The following ANKRD26 variants were observed in gnomAD, a reference collection of about 807,000 sequenced individuals.
The protein encoded by ANKRD26 is ankyrin repeat domain-containing protein 26.
A neutral mutation model predicts 208.7 loss-of-function variants in ANKRD26; 141 were observed. The ratio of observed to expected loss-of-function variants is 0.68; its 90% CI spans 0.59 to 0.78. The LOEUF (loss-of-function observed/expected upper bound fraction) is 0.78. Among genes scored for constraint, ANKRD26 ranks in the 30% least tolerant of loss-of-function variants. The probability of loss-of-function intolerance (pLI) is 0.00; values close to 1 mark genes in which losing one functional copy is unlikely to be tolerated. For synonymous variants in ANKRD26, 636 were observed against 660.4 expected, an observed-to-expected ratio of 0.96 and a Z score of 0.57; for missense variants, 1,889 against 1,938.7, an observed-to-expected ratio of 0.97 and a Z score of 0.48.
At chr10:26,994,919 C>T (rs1044852036) in intron 5 of ANKRD26, 17 of 368,816 alleles carry the variant, frequency 4.6e-5, no homozygotes, top group Non-Finnish European at 6.5e-5. Context: ...ATCAACTTGG[C>T]TACTTCAGCT....
intron 21 of ANKRD26, 117 bp from the exon 22 acceptor site, chr10:27,038,171 A>G: frequency 1.2e-6 from 1 of 854,806 alleles, no homozygotes. Flanking sequence ...ATGTTCTTGA[A>G]TATTTTTCCT....
intron 16 of ANKRD26, among the ~76,000 whole-genome samples, 160 bp from the exon 17 acceptor site, chr10:27,049,139 G>A (rs2054561338): frequency 6.6e-6 from 1 of 151,950 alleles, no homozygotes; most frequent in East Asian, 1.9e-4. Flanking sequence ...ATACATAATT[G>A]TTATATAATT....
intron 29 of ANKRD26, among the ~76,000 whole-genome samples, chr10:27,021,934 G>A (rs545185226): frequency 3.3e-5 from 5 of 152,000 alleles, no homozygotes; most frequent in Non-Finnish European, 5.9e-5. Context: ...TATAGATGCC[G>A]GATATAAGAC....
intron 25 of ANKRD26, among the ~76,000 whole-genome samples, chr10:27,032,796 C>G (rs1378313929): frequency 6.8e-6 from 1 of 147,318 alleles, no homozygotes; most frequent in African/African-American, 2.5e-5. Flanking sequence ...GCCTGGGCAA[C>G]AGAGTGAGAC....
At chr10:27,087,833 T>C (rs974228837) in intron 4 of ANKRD26, among the ~76,000 whole-genome samples, 1 of 152,182 alleles carries the variant, frequency 6.6e-6, no homozygotes, top group African/African-American at 2.4e-5. Flanking sequence ...CAAGATGGAG[T>C]GCAGTGGCAT....
At chr10:27,038,163 G>A in intron 21 of ANKRD26, 109 bp from the exon 22 acceptor site, 1 of 884,918 alleles carries the variant, frequency 1.1e-6, no homozygotes, top group Non-Finnish European at 1.7e-6. Flanking sequence ...CAATTTCTAT[G>A]TTCTTGAATA....
chr10:27,063,926 A>T, intron 12 of ANKRD26, 62 bp downstream of exon 12: 1 of 1,300,826 alleles, frequency 7.7e-7, no homozygotes, highest in Non-Finnish European at 1.1e-6. Context: ...ATATATCAAC[A>T]GTCATGTTTT....
chr10:27,028,737 T>C lies in ANKRD26; in HGVS notation c.3972+115A>G, dbSNP rs2053763259. 6 of 852,168 alleles carry C rather than the reference T, an allele frequency of 7.0e-6. No individual in the cohort carries two copies. In the South Asian group the frequency reaches 9.6e-5, roughly 14 times the overall value. 52.8% of individuals were successfully genotyped at this position (852,168 alleles called of 1,614,324 possible). A position where few individuals can be genotyped will look rare whatever the true frequency, so the allele number is the denominator to read the frequency against. On this transcript the variant is annotated intron_variant, in intron 27 of 33. Coordinates refer to ENST00000376087, the MANE Select transcript of ANKRD26 (RefSeq NM_014915.3). ...ACAAATATTCCAAAATAAAAAAAAA[T>C]CCAAAATCTGAAACACTTCTGGTCT...
chr10:27,020,212 T>C (rs1589225256), intron 29 of ANKRD26, among the ~76,000 whole-genome samples: 1 of 152,258 alleles, frequency 6.6e-6, no homozygotes, highest in African/African-American at 2.4e-5. Context: ...GCTAGAGAGA[T>C]ATTTTAATAG....
At chr10:27,041,196 G>A (rs2054227482) in intron 20 of ANKRD26, among the ~76,000 whole-genome samples, 1 of 125,276 alleles carries the variant, frequency 8.0e-6, no homozygotes, top group Admixed American at 8.2e-5. Context: ...CTGAGAGTCT[G>A]GTAAACGCAA....
At chr10:27,066,408 C>A in intron 11 of ANKRD26, 79 bp downstream of exon 11, 1 of 1,157,784 alleles carries the variant, frequency 8.6e-7, no homozygotes, top group Non-Finnish European at 1.3e-6. Context: ...GTAAAAAAGT[C>A]AAGTCAAAGC....
chr10:27,015,257 C>T (rs1165478564), intron 30 of ANKRD26, among the ~76,000 whole-genome samples: 1 of 151,072 alleles, frequency 6.6e-6, no homozygotes, highest in Non-Finnish European at 1.5e-5. Flanking sequence ...GAACTTAGAG[C>T]TTCTTAGGGA....
chr10:27,037,579 C>T (rs1347190200), intron 22 of ANKRD26, among the ~76,000 whole-genome samples: 2 of 152,084 alleles, frequency 1.3e-5, no homozygotes, highest in African/African-American at 2.4e-5. Context: ...TTACTAGTTT[C>T]ATCATAATTT....
rs764805962 is a variant in ANKRD26, at chr10:27,082,841, AG to A, written c.710-9del. On this transcript the variant is annotated splice_polypyrimidine_tract_variant and intron_variant, in intron 5 of 33. Coordinates refer to ENST00000376087, the MANE Select transcript of ANKRD26 (RefSeq NM_014915.3). ...CTTCAGAGCTTTCATCCACTATTAA[AG>A]AGAAAAGTAAAACACACTTTAAATC... is the stretch of plus-strand genomic sequence containing the variant. The A allele has an allele frequency of 6.3e-7, 1 of 1,587,554 alleles. No homozygotes were observed.
At chr10:26,970,487 A>T (rs1444527303), downstream of ANKRD26, among the ~76,000 whole-genome samples, 1 of 152,070 alleles carries the variant, frequency 6.6e-6, no homozygotes, top group African/African-American at 2.4e-5. Flanking sequence ...TGCTTTCCCC[A>T]TGTGAGGTGC....
At chr10:27,079,291 C>T (rs2135590848) in intron 6 of ANKRD26, 130 bp from the exon 7 acceptor site, 1 of 717,158 alleles carries the variant, frequency 1.4e-6, no homozygotes, top group Non-Finnish European at 2.4e-6. Context: ...CAACTGTCTG[C>T]ATATTAAATG....
At position 27,040,180 on chromosome 10, in the gene ANKRD26, T is replaced by C; in HGVS notation, c.2162-2A>G. On this transcript the variant is annotated splice_acceptor_variant, in intron 20 of 33. Coordinates refer to ENST00000376087, the MANE Select transcript of ANKRD26 (RefSeq NM_014915.3). LOFTEE classifies it high-confidence loss of function. ...GGATTTTCAATAGGCTAACAGAATC[T>C]GTATCAGGAAGAAAACAAGATAGAA... 1.2e-6 allele frequency: 2 copies of C among 1,603,354 alleles called. No individual in the cohort carries two copies. The highest frequency in any genetic ancestry group is 1.7e-6 in the Non-Finnish European group (2 of 1,171,644).
intron 4 of ANKRD26, among the ~76,000 whole-genome samples, chr10:26,981,812 C>T (rs1186009602): frequency 6.6e-6 from 1 of 152,066 alleles, no homozygotes; most frequent in Non-Finnish European, 1.5e-5. Context: ...CCTAGCTTTC[C>T]AGGGCAATTA....
chr10:27,036,588 A>T (rs778236634), intron 23 of ANKRD26, among the ~76,000 whole-genome samples: 1 of 152,132 alleles, frequency 6.6e-6, no homozygotes, highest in African/African-American at 2.4e-5. Context: ...TAATAATGTG[A>T]AACAGGGAGA....
Sources: gnomAD v4.1 joint callset for allele counts (sites outside exome capture counted in the v4.1 genomes callset) on GRCh38, gnomAD v4.1.1 for gene constraint, MANE v1.5 for transcripts, NCBI Gene and HGNC (gene_info 2026-07-23, HGNC 2026-07-21) for gene names.